Variants in MACROD2 observed in about 807,000 individuals in gnomAD.
The protein encoded by MACROD2 is ADP-ribose glycohydrolase MACROD2.
In MACROD2, 36 loss-of-function variants were observed where a neutral mutation model predicts 70.4. That is an observed-to-expected ratio of 0.51 (90% CI 0.39 to 0.68). The LOEUF (loss-of-function observed/expected upper bound fraction) is 0.68. Among genes scored for constraint, MACROD2 ranks in the 30% least tolerant of loss-of-function variants. MACROD2 has a pLI of 0.00. For missense variants in MACROD2, 496 were observed against 538.4 expected (o/e 0.92, Z 0.78); for synonymous variants, 172 against 178.8 (o/e 0.96, Z 0.30).
chr20:15,516,889 A>AC (rs1568862086), intron 8 of MACROD2, among the ~76,000 whole-genome samples: 1 of 152,196 alleles, frequency 6.6e-6, no homozygotes, highest in African/African-American at 2.4e-5. Flanking sequence ...ATTTCCTATC[A>AC]CATAACAGTT....
At chr20:14,551,621 G>A (rs896727634) in intron 4 of MACROD2, among the ~76,000 whole-genome samples, 2 of 152,140 alleles carry the variant, frequency 1.3e-5, no homozygotes, top group East Asian at 1.9e-4. Context: ...AAAGATGGCC[G>A]AAGTGGAAGG....
At chr20:14,082,550 G>A (rs944160695) in intron 2 of MACROD2, among the ~76,000 whole-genome samples, 1 of 151,886 alleles carries the variant, frequency 6.6e-6, no homozygotes, top group Non-Finnish European at 1.5e-5. Context: ...ATGACTTATT[G>A]TCTCATATGT....
At chr20:14,539,924 A>C (rs56246076) in intron 4 of MACROD2, among the ~76,000 whole-genome samples, 31,748 of 152,100 alleles carry the variant, frequency 0.21, 3,924 homozygotes, top group Non-Finnish European at 0.28. Context: ...CCGTTCCTGG[A>C]TGCTAAGCAA....
intron 4 of MACROD2, among the ~76,000 whole-genome samples, chr20:14,578,190 G>A: frequency 6.6e-6 from 1 of 151,004 alleles, no homozygotes. Flanking sequence ...ATATATCAAT[G>A]GCAGGTTTTC....
At chr20:14,529,307 C>T (rs1440261036) in intron 4 of MACROD2, among the ~76,000 whole-genome samples, 1 of 152,174 alleles carries the variant, frequency 6.6e-6, no homozygotes, top group African/African-American at 2.4e-5. Flanking sequence ...TAGTTAATAA[C>T]AATAAATATA....
chr20:15,953,164 G>T (rs1158605492), intron 12 of MACROD2, among the ~76,000 whole-genome samples: 1 of 152,110 alleles, frequency 6.6e-6, no homozygotes, highest in Non-Finnish European at 1.5e-5. Flanking sequence ...AGAAAGGTTG[G>T]TCTCATAGAA....
intron 7 of MACROD2, among the ~76,000 whole-genome samples, chr20:15,472,524 G>GT (rs939034525): frequency 9.9e-5 from 15 of 151,262 alleles, no homozygotes; most frequent in Admixed American, 3.3e-4. Flanking sequence ...TTCCCTTCCT[G>GT]TTTTTTTTCT....
At chr20:14,532,747 C>A (rs1309966831) in intron 4 of MACROD2, among the ~76,000 whole-genome samples, 1 of 152,144 alleles carries the variant, frequency 6.6e-6, no homozygotes, top group Non-Finnish European at 1.5e-5. Context: ...TCAATCACTT[C>A]ATCTCTGCTT....
intron 10 of MACROD2, among the ~76,000 whole-genome samples, chr20:15,904,846 A>G (rs1474203235): frequency 6.8e-6 from 1 of 147,732 alleles, no homozygotes; most frequent in Non-Finnish European, 1.5e-5. Context: ...GCAGCACTGC[A>G]CTCCAGCCTG....
intron 6 of MACROD2, among the ~76,000 whole-genome samples, chr20:15,329,706 G>C (rs2077971625): frequency 6.6e-6 from 1 of 152,020 alleles, no homozygotes; most frequent in Admixed American, 6.6e-5. Flanking sequence ...TTCTCCTTGA[G>C]AGTCTAGCTT....
chr20:14,262,376 A>G (rs2082108113), intron 3 of MACROD2, among the ~76,000 whole-genome samples: 3 of 152,210 alleles, frequency 2.0e-5, no homozygotes, highest in South Asian at 4.1e-4. Context: ...GCATTGTGTT[A>G]TTATTCAAAA....
chr20:15,290,244 G>T (rs1188789272), intron 6 of MACROD2, among the ~76,000 whole-genome samples: 1 of 152,140 alleles, frequency 6.6e-6, no homozygotes, highest in Admixed American at 6.5e-5. Flanking sequence ...CCCATAAGAA[G>T]TATCTATTGG....
chr20:14,330,041 T>C (rs1419251034), intron 3 of MACROD2, among the ~76,000 whole-genome samples: 1 of 151,890 alleles, frequency 6.6e-6, no homozygotes, highest in African/African-American at 2.4e-5. Flanking sequence ...ATACTGAGTT[T>C]GAAAAAAAAA....
intron 6 of MACROD2, among the ~76,000 whole-genome samples, chr20:15,364,397 CCTGTGCTTTGG>C (rs2045375416): frequency 6.6e-6 from 1 of 152,210 alleles, no homozygotes; most frequent in African/African-American, 2.4e-5. Context: ...TTTGTCAGTA[CCTGTGCTTTGG>C]CTTTTTGTAT....
intron 8 of MACROD2, among the ~76,000 whole-genome samples, chr20:15,514,914 G>A (rs1233770): frequency 0.34 from 50,983 of 151,900 alleles, 9,304 homozygotes; most frequent in African/African-American, 0.46. Context: ...GTAAACTACC[G>A]TATCAGAGAT....
intron 5 of MACROD2, among the ~76,000 whole-genome samples, chr20:14,802,131 T>C (rs2072584134): frequency 6.6e-6 from 1 of 152,030 alleles, no homozygotes; most frequent in African/African-American, 2.4e-5. Context: ...CTGAACTGAG[T>C]GGTGTGCCTG....
At chr20:14,447,817 A>G (rs1490202445) in intron 3 of MACROD2, among the ~76,000 whole-genome samples, 1 of 151,916 alleles carries the variant, frequency 6.6e-6, no homozygotes, top group Non-Finnish European at 1.5e-5. Flanking sequence ...GAGGACTGCC[A>G]GAGACCGCAG....
chr20:14,550,185 A>T (rs1191617284), intron 4 of MACROD2, among the ~76,000 whole-genome samples: 1 of 152,070 alleles, frequency 6.6e-6, no homozygotes, highest in Non-Finnish European at 1.5e-5. Flanking sequence ...GGCTTCCCAA[A>T]GTGTTGGGAT....
chr20:14,057,055 A>G (rs766111113), intron 2 of MACROD2, among the ~76,000 whole-genome samples: 25 of 152,314 alleles, frequency 1.6e-4, no homozygotes, highest in African/African-American at 7.2e-5. Context: ...GTGGATATCC[A>G]AATGGGAAAA....
Sources: allele counts gnomAD v4.1 joint callset (sites outside exome capture counted in the v4.1 genomes callset), GRCh38; gene constraint gnomAD v4.1.1; transcripts MANE v1.5; gene names NCBI Gene and HGNC (gene_info 2026-07-23, HGNC 2026-07-21).